PTPRG: variants seen among roughly 807,000 people sequenced by gnomAD.
PTPRG encodes the protein receptor-type tyrosine-protein phosphatase gamma.
In PTPRG, 102 loss-of-function variants were observed where a neutral mutation model predicts 165.3. The ratio of observed to expected loss-of-function variants is 0.62; its 90% CI spans 0.53 to 0.73. The LOEUF is 0.73. Among genes scored for constraint, PTPRG ranks in the 30% least tolerant of loss-of-function variants. PTPRG has a pLI of 0.00. For synonymous variants in PTPRG, 675 were observed against 669.5 expected (o/e 1.01, Z -0.13); for missense variants, 1,866 against 1,861.4 (o/e 1.00, Z -0.05).
At chr3:61,902,546 A>C (rs565925299) in intron 2 of PTPRG, among the ~76,000 whole-genome samples, 61 of 152,182 alleles carry the variant, frequency 4.0e-4, no homozygotes, top group Non-Finnish European at 6.6e-4. Flanking sequence ...TATATTGCTA[A>C]GTTACCATCA....
intron 8 of PTPRG, among the ~76,000 whole-genome samples, chr3:62,173,506 C>T (rs1705299991): frequency 6.6e-6 from 1 of 152,134 alleles, no homozygotes; most frequent in Non-Finnish European, 1.5e-5. Flanking sequence ...AGTTGGAGAA[C>T]CCTAAATGGG....
chr3:61,669,817 G>A (rs1457396537), intron 1 of PTPRG, among the ~76,000 whole-genome samples: 6 of 152,194 alleles, frequency 3.9e-5, no homozygotes, highest in Non-Finnish European at 7.3e-5. Context: ...AGCTGGTTGG[G>A]TGTTGATGTG....
Position 62,254,777 on chromosome 3 carries a change from A to G in PTPRG, c.2468-347A>G, listed in dbSNP as rs1344437483. 1.3e-5 allele frequency among the ~76,000 whole-genome samples: 2 copies of G among 152,108 alleles called. No homozygotes were observed. The highest frequency in any genetic ancestry group is 6.6e-5 in the Admixed American group (1 of 15,266). On this transcript the variant is annotated intron_variant, in intron 15 of 29. Transcript: ENST00000474889. The surrounding 1 kb of genome is among the most constrained non-coding windows in gnomAD (Gnocchi z 4.6). ...ACAAAGAAAACCCCTGGTGTGATAA[A>G]ATTTCTTGGCAAATGGGTACCCTTG...
chr3:61,562,468 A>AGTT, intron 1 of PTPRG, 96 bp downstream of exon 1: 1 of 1,179,986 alleles, frequency 8.5e-7, no homozygotes, highest in Admixed American at 1.8e-5. Context: ...CCCGTCCGGG[A>AGTT]GACCCTGGAG....
At chr3:61,673,183 G>T (rs979890366) in intron 1 of PTPRG, among the ~76,000 whole-genome samples, 1 of 152,042 alleles carries the variant, frequency 6.6e-6, no homozygotes, top group African/African-American at 2.4e-5. Context: ...GAAGAAAAAA[G>T]ATAAAACAAA....
At chr3:61,717,365 C>G (rs1463763326) in intron 1 of PTPRG, among the ~76,000 whole-genome samples, 1 of 152,270 alleles carries the variant, frequency 6.6e-6, no homozygotes, top group South Asian at 2.1e-4. Flanking sequence ...GTTTTTATAG[C>G]CAAAGGCAAT....
chr3:61,630,077 G>T (rs1701726528), intron 1 of PTPRG, among the ~76,000 whole-genome samples: 1 of 152,350 alleles, frequency 6.6e-6, no homozygotes, highest in Admixed American at 6.5e-5. Flanking sequence ...ACTGAGACAT[G>T]CATATAAGTG....
At chr3:61,602,290 T>A (rs1325729081) in intron 1 of PTPRG, among the ~76,000 whole-genome samples, 1 of 152,114 alleles carries the variant, frequency 6.6e-6, no homozygotes, top group East Asian at 1.9e-4. Context: ...ATGTGTTGAT[T>A]AAACAAGAAG....
At chr3:62,081,149 C>T (rs888014894) in intron 5 of PTPRG, among the ~76,000 whole-genome samples, 2 of 151,408 alleles carry the variant, frequency 1.3e-5, no homozygotes, top group South Asian at 4.2e-4. Flanking sequence ...CCCAGCTACT[C>T]GGGAGGCTGA....
intron 6 of PTPRG, among the ~76,000 whole-genome samples, chr3:62,140,851 CAAAAAAAA>C (rs58630476): frequency 0.16 from 11,617 of 71,484 alleles, 754 homozygotes; most frequent in East Asian, 0.5. Flanking sequence ...GACTCGGTCT[CAAAAAAAA>C]AAAAAAAAAA....
intron 15 of PTPRG, among the ~76,000 whole-genome samples, chr3:62,250,306 G>A (rs966024823): frequency 2.6e-5 from 4 of 152,044 alleles, no homozygotes; most frequent in Admixed American, 6.6e-5. Flanking sequence ...GCTGCCTCTG[G>A]CTTCCTGATA....
At chr3:61,648,439 A>G (rs1400029385) in intron 1 of PTPRG, among the ~76,000 whole-genome samples, 1 of 152,234 alleles carries the variant, frequency 6.6e-6, no homozygotes, top group African/African-American at 2.4e-5. Flanking sequence ...CTACCAGGCT[A>G]CACATTTTCA....
At chr3:61,721,151 G>A (rs2032028016) in intron 1 of PTPRG, among the ~76,000 whole-genome samples, 1 of 152,118 alleles carries the variant, frequency 6.6e-6, no homozygotes, top group African/African-American at 2.4e-5. Context: ...TGGAATTACT[G>A]TACATTTCTG....
chr3:61,837,492 A>G (rs541692427), intron 2 of PTPRG, among the ~76,000 whole-genome samples: 16 of 152,368 alleles, frequency 1.1e-4, no homozygotes, highest in African/African-American at 3.4e-4. Flanking sequence ...AATGTTCGGC[A>G]TGCAGGGGGT....
intron 4 of PTPRG, among the ~76,000 whole-genome samples, chr3:62,058,899 C>T (rs79215882): frequency 0.024 from 3,711 of 152,280 alleles, 127 homozygotes; most frequent in African/African-American, 0.085. Flanking sequence ...ATTATGATCC[C>T]TGCTGTGTCT....
chr3:62,287,725 T>G (rs998608020), intron 28 of PTPRG, among the ~76,000 whole-genome samples: 1 of 152,198 alleles, frequency 6.6e-6, no homozygotes. Context: ...ATTTGATCAG[T>G]AGCATTCAGA....
chr3:62,058,140 A>G (rs912628163), intron 4 of PTPRG, among the ~76,000 whole-genome samples: 2 of 152,124 alleles, frequency 1.3e-5, no homozygotes, highest in African/African-American at 4.8e-5. Flanking sequence ...ATCCAGCCTT[A>G]TTGCGTTTCT....
rs776434402 is a variant in PTPRG, at chr3:62,281,625, C to T, written c.3828C>T (p.Thr1276=). 3.0e-5 allele frequency: 47 copies of T among 1,571,070 alleles called. No individual in the cohort carries two copies. Among genetic ancestry groups the T allele is most frequent in the Middle Eastern group, 1.7e-4 (1 of 5,836 alleles). ...AATCCATGAACTGTGAGGCCTTTAC[C>T]GTCACCCTTATCAGCAAAGACAGAC... The part of the protein sequence containing the change: ...REESMNCEAF[T]VTLISKDRLC... The change falls in exon 27 of 30, where the codon ACC becomes ACT. Residue 1276 remains threonine, a synonymous_variant. Coordinates refer to ENST00000474889, the MANE Select transcript of PTPRG (RefSeq NM_002841.4).
At chr3:61,584,910 G>A (rs1403938062) in intron 1 of PTPRG, among the ~76,000 whole-genome samples, 1 of 152,142 alleles carries the variant, frequency 6.6e-6, no homozygotes, top group Non-Finnish European at 1.5e-5. Context: ...GTTTGAATGG[G>A]ATGTCATTCT....
Sources: allele counts gnomAD v4.1 joint callset (sites outside exome capture counted in the v4.1 genomes callset), GRCh38; gene constraint gnomAD v4.1.1; non-coding constraint Gnocchi (gnomAD v3.1); transcripts MANE v1.5; gene names NCBI Gene and HGNC (gene_info 2026-07-23, HGNC 2026-07-21).